TJAP1: variants seen among roughly 807,000 people sequenced by gnomAD.
TJAP1 encodes tight junction-associated protein 1.
In TJAP1, 27 loss-of-function variants were observed where a neutral mutation model predicts 42.0. The observed-to-expected ratio is 0.64, with a 90% CI of 0.47 to 0.89. TJAP1 has a LOEUF of 0.89. Among genes scored for constraint, TJAP1 ranks in the 40% least tolerant of loss-of-function variants. The pLI, the probability that TJAP1 is intolerant of heterozygous loss-of-function variation, is 0.00. For synonymous variants in TJAP1, 257 were observed against 288.4 expected, an observed-to-expected ratio of 0.89 and a Z score of 1.10; for missense variants, 712 against 726.9, an observed-to-expected ratio of 0.98 and a Z score of 0.24.
intron 4 of TJAP1, 197 bp from the exon 5 acceptor site, chr6:43,500,547 G>A (rs1210589461): frequency 3.4e-6 from 2 of 591,828 alleles, no homozygotes. Flanking sequence ...GAATCTTCTG[G>A]TTGGCATGGG....
chr6:43,485,008 G>A lies in TJAP1; in HGVS notation c.-122+6776G>A, dbSNP rs750304082. ...CTCCCAAAGTGCCAGGATTACAGGC[G>A]TGAGCCACCACGCCCAGCCTCCCCA... On this transcript the variant is annotated intron_variant, in intron 2 of 10. Coordinates refer to ENST00000372449, the Ensembl canonical transcript of TJAP1. Among the ~76,000 whole-genome samples, 11 of 152,190 alleles carry A rather than the reference G, an allele frequency of 7.2e-5. No individual in the cohort carries two copies. The East Asian group carries it at 1.7e-3, about 24-fold the overall frequency.
chr6:43,493,205 G>A (rs1003774198), intron 2 of TJAP1, among the ~76,000 whole-genome samples: 1 of 152,216 alleles, frequency 6.6e-6, no homozygotes, highest in African/African-American at 2.4e-5. Flanking sequence ...TCATGGTAAT[G>A]TGTGGGCCCT....
At chr6:43,502,157 T>A in intron 6 of TJAP1, 126 bp from the exon 7 acceptor site, 1 of 811,982 alleles carries the variant, frequency 1.2e-6, no homozygotes, top group African/African-American at 1.7e-5. Context: ...ATCATCTAAT[T>A]CCTATTAGAA....
intron 10 of TJAP1, 105 bp from the exon 11 acceptor site, chr6:43,504,656 G>C (rs1251841864): frequency 7.2e-7 from 1 of 1,385,700 alleles, no homozygotes; most frequent in Non-Finnish European, 9.9e-7. Flanking sequence ...GCAGAGTGCT[G>C]AGTACACAGA....
At chr6:43,494,271 G>A (rs1241938553) in intron 2 of TJAP1, among the ~76,000 whole-genome samples, 1 of 152,216 alleles carries the variant, frequency 6.6e-6, no homozygotes, top group Non-Finnish European at 1.5e-5. Flanking sequence ...TTTTGAGTAA[G>A]CAAAGAATGA....
At chr6:43,478,779 G>A (rs1055927718) in intron 2 of TJAP1, 9 of 152,230 alleles carry the variant, frequency 5.9e-5, no homozygotes, top group African/African-American at 2.2e-4. Context: ...TATCAGAGGT[G>A]AGGGAAAGGC....
chr6:43,495,682 C>CTT lies in TJAP1; in HGVS notation c.-121-2198_-121-2197insTT, dbSNP rs1344464826. 1.3e-5 allele frequency among the ~76,000 whole-genome samples: 2 copies of CTT among 152,186 alleles called. No homozygotes were observed. Among genetic ancestry groups the CTT allele is most frequent in the African/African-American group, 4.8e-5 (2 of 41,426 alleles). ...ACAACCACCCCCATCCCCAGAGAGT[C>CTT]TGTCTGCATTTACTGCCTGTCCCAC... is the stretch of plus-strand genomic sequence containing the variant. On this transcript the variant is annotated intron_variant, in intron 2 of 10. Coordinates refer to ENST00000372449, the Ensembl canonical transcript of TJAP1. The surrounding 1 kb of genome is among the most constrained non-coding windows in gnomAD (Gnocchi z 4.6).
chr6:43,503,001 C>T (rs534613296), intron 8 of TJAP1: 48 of 453,186 alleles, frequency 1.1e-4, no homozygotes, highest in South Asian at 7.2e-4. Context: ...GCTGCCACCG[C>T]GCCCTGCTTC....
exon 11 of TJAP1, chr6:43,504,789 G>A (rs535880937): frequency 1.2e-5 from 20 of 1,613,906 alleles, no homozygotes; most frequent in South Asian, 9.9e-5. Context: ...GACATGGTTC[G>A]GAAACATTTG....
chr6:43,501,209 G>A, intron 5 of TJAP1: 2 of 392,598 alleles, frequency 5.1e-6, no homozygotes, highest in Middle Eastern at 6.9e-4. Flanking sequence ...GCTGACATGG[G>A]CTGTAACCAG....
intron 2 of TJAP1, among the ~76,000 whole-genome samples, chr6:43,483,667 A>T (rs1785798986): frequency 6.6e-6 from 1 of 152,210 alleles, no homozygotes; most frequent in Admixed American, 6.5e-5. Flanking sequence ...TTGTGGAGCT[A>T]GGCAGACCTG....
intron 2 of TJAP1, chr6:43,497,193 C>T (rs1789397972): frequency 6.6e-6 from 1 of 152,218 alleles, no homozygotes; most frequent in African/African-American, 2.4e-5. Context: ...GCCAGTGGCA[C>T]TCCTTCCCTC....
chr6:43,504,334 C>G, intron 10 of TJAP1: 1 of 229,856 alleles, frequency 4.4e-6, no homozygotes, highest in South Asian at 6.4e-5. Flanking sequence ...CCAGGATGGT[C>G]TCGATCTCCT....
intron 7 of TJAP1, 28 bp downstream of exon 7, chr6:43,502,377 G>A (rs768295841): frequency 6.2e-7 from 1 of 1,610,908 alleles, no homozygotes; most frequent in Admixed American, 1.7e-5. Flanking sequence ...GCAGCTTGGT[G>A]GGCACTGTGC....
chr6:43,505,218 C>T lies in TJAP1; in HGVS notation c.1037C>T (p.Pro346Leu). 1 of 1,614,178 alleles carries T rather than the reference C, an allele frequency of 6.2e-7. No individual in the cohort carries two copies. Among genetic ancestry groups the T allele is most frequent in the Non-Finnish European group, 8.5e-7 (1 of 1,180,030 alleles). ...AAGGTTCGGATCCCCCGCAACAGCC[C>T]CCTGCCCAACTGCACTTACGCTACC... Residue 346 changes from proline (P) to leucine (L), a missense_variant, in exon 11 of 11, where the codon CCC becomes CTC. Around this residue, in one of 3 missense-constraint regions of TJAP1, gnomAD observed 549 missense variants for 528.2 expected, o/e 1.04. Transcript: ENST00000372449. The surrounding 1 kb of genome is among the most constrained non-coding windows in gnomAD (Gnocchi z 5.5).
chr6:43,502,866 C>G (rs1458589769), intron 8 of TJAP1: 4 of 581,544 alleles, frequency 6.9e-6, no homozygotes, highest in Non-Finnish European at 1.2e-5. Flanking sequence ...AGCTTCTTGG[C>G]TCCAGTGGCA....
At chr6:43,502,829 T>C in intron 8 of TJAP1, 3 of 628,090 alleles carry the variant, frequency 4.8e-6, no homozygotes, top group South Asian at 1.9e-5. Flanking sequence ...GTAGAGGTAC[T>C]GATTGATGTC....
chr6:43,479,020 A>G (rs577277214), intron 2 of TJAP1, among the ~76,000 whole-genome samples: 7 of 152,186 alleles, frequency 4.6e-5, no homozygotes, highest in Non-Finnish European at 1.0e-4. Context: ...CCATCAAACC[A>G]CTTTTGAAAA....
chr6:43,504,011 T>C (rs1477979807), intron 10 of TJAP1: 1 of 588,194 alleles, frequency 1.7e-6, no homozygotes, highest in East Asian at 3.7e-5. Context: ...TAAGAGAGGA[T>C]TAGGCCCATC....
Sources: gnomAD v4.1 joint callset for allele counts (sites outside exome capture counted in the v4.1 genomes callset) on GRCh38, gnomAD v4.1.1 for gene constraint, gnomAD v4.1.1 regional missense constraint, Gnocchi (gnomAD v3.1) non-coding constraint, MANE v1.5 for transcripts, NCBI Gene and HGNC (gene_info 2026-07-23, HGNC 2026-07-21) for gene names.